Variants in ARMH4 observed in about 807,000 individuals in gnomAD.
ARMH4 encodes the protein armadillo-like helical domain-containing protein 4.
In ARMH4, 49 loss-of-function variants were observed where a neutral mutation model predicts 61.9. The ratio of observed to expected loss-of-function variants is 0.79; its 90% CI spans 0.63 to 1.00. The LOEUF (loss-of-function observed/expected upper bound fraction) is 1.00. Among genes scored for constraint, ARMH4 ranks in the 50% least tolerant of loss-of-function variants. The pLI is 0.00. For synonymous variants in ARMH4, 368 were observed against 341.5 expected, an observed-to-expected ratio of 1.08 and a Z score of -0.85; for missense variants, 934 against 930.0, an observed-to-expected ratio of 1.00 and a Z score of -0.06.
intron 5 of ARMH4, among the ~76,000 whole-genome samples, chr14:58,087,195 T>C (rs560915479): frequency 9.9e-5 from 15 of 152,224 alleles, no homozygotes; most frequent in Non-Finnish European, 1.9e-4. Flanking sequence ...TCAATTCTTT[T>C]GAATTTCAAA....
chr14:58,042,398 C>T (rs1883756572), intron 5 of ARMH4, among the ~76,000 whole-genome samples: 1 of 152,184 alleles, frequency 6.6e-6, no homozygotes, highest in South Asian at 2.1e-4. Context: ...TCTTTAAAAC[C>T]AATGAGAACA....
chr14:58,042,906 A>G (rs1434952763), intron 5 of ARMH4, among the ~76,000 whole-genome samples: 1 of 152,190 alleles, frequency 6.6e-6, no homozygotes, highest in Admixed American at 6.5e-5. Flanking sequence ...AAGAACTTGA[A>G]TCTCTGAATA....
At chr14:58,071,281 C>G (rs764260034) in intron 5 of ARMH4, among the ~76,000 whole-genome samples, 13 of 151,902 alleles carry the variant, frequency 8.6e-5, no homozygotes, top group Admixed American at 1.3e-4. Context: ...CTTTTCAATA[C>G]ATACAATTTT....
chr14:58,057,715 G>T (rs1383412632), intron 5 of ARMH4, among the ~76,000 whole-genome samples: 1 of 152,156 alleles, frequency 6.6e-6, no homozygotes, highest in Non-Finnish European at 1.5e-5. Flanking sequence ...AAACTATTTA[G>T]CTGCTCAGGA....
chr14:58,083,715 T>C (rs1234270217), intron 5 of ARMH4, among the ~76,000 whole-genome samples: 1 of 152,146 alleles, frequency 6.6e-6, no homozygotes, highest in African/African-American at 2.4e-5. Flanking sequence ...AGATAACAAA[T>C]AGCAAAACAA....
chr14:58,104,225 T>C (rs1237935808), intron 4 of ARMH4, among the ~76,000 whole-genome samples: 1 of 152,142 alleles, frequency 6.6e-6, no homozygotes, highest in Non-Finnish European at 1.5e-5. Flanking sequence ...AGGAGTACTC[T>C]CTCTAGAAGC....
intron 5 of ARMH4, among the ~76,000 whole-genome samples, chr14:58,060,354 A>G (rs1245029470): frequency 6.6e-6 from 1 of 152,186 alleles, no homozygotes; most frequent in Non-Finnish European, 1.5e-5. Context: ...CCCTACACTA[A>G]TTTCCCTCTT....
At position 58,138,156 on chromosome 14, in the gene ARMH4, TGTG is replaced by T. The variant is rs781685192; in HGVS notation, c.1200_1202del (p.Thr401del). 4.3e-6 allele frequency: 7 copies of T among 1,614,020 alleles called. No homozygotes were observed. The highest frequency in any genetic ancestry group is 5.9e-6 in the Non-Finnish European group (7 of 1,180,032). ...AAACTTTCATGTCTTCCATCAGACT[TGTG>T]GGGGTAAAGGAACTTTGATCAGTGA... On this transcript the variant is annotated inframe_deletion, in exon 2 of 8. Transcript: ENST00000267485.
At chr14:58,095,502 A>G (rs1885718655) in intron 5 of ARMH4, among the ~76,000 whole-genome samples, 1 of 152,154 alleles carries the variant, frequency 6.6e-6, no homozygotes, top group Non-Finnish European at 1.5e-5. Flanking sequence ...TTTGTTTTAT[A>G]GTATTTTGAT....
chr14:58,150,265 T>C (rs763742229), intron 1 of ARMH4, among the ~76,000 whole-genome samples: 14 of 152,226 alleles, frequency 9.2e-5, no homozygotes, highest in Admixed American at 2.0e-4. Context: ...AAAAATAAGA[T>C]TGACCTCACA....
intron 5 of ARMH4, among the ~76,000 whole-genome samples, chr14:58,096,111 G>C (rs1163740256): frequency 6.6e-6 from 1 of 152,160 alleles, no homozygotes; most frequent in Non-Finnish European, 1.5e-5. Context: ...CCATGAATAA[G>C]AGAGAGTGAG....
At chr14:58,010,899 T>C (rs1307578296) in intron 6 of ARMH4, among the ~76,000 whole-genome samples, 1 of 152,040 alleles carries the variant, frequency 6.6e-6, no homozygotes, top group African/African-American at 2.4e-5. Flanking sequence ...CAATGATATA[T>C]GAATTCCTAG....
chr14:58,092,274 TATC>T (rs1477940874), intron 5 of ARMH4, among the ~76,000 whole-genome samples: 1 of 152,248 alleles, frequency 6.6e-6, no homozygotes, highest in East Asian at 1.9e-4. Context: ...ATTAAAGTGT[TATC>T]ATATTAAATA....
intron 5 of ARMH4, among the ~76,000 whole-genome samples, chr14:58,048,934 T>A (rs1190017650): frequency 6.6e-6 from 1 of 151,970 alleles, no homozygotes; most frequent in Non-Finnish European, 1.5e-5. Context: ...GAAACAAATT[T>A]AAGAAAAATG....
intron 4 of ARMH4, among the ~76,000 whole-genome samples, chr14:58,097,577 T>G (rs1385016766): frequency 6.6e-6 from 1 of 152,170 alleles, no homozygotes; most frequent in Admixed American, 6.5e-5. Flanking sequence ...TCTAAAGGAA[T>G]TGGGAAGTGG....
At chr14:58,077,079 C>T (rs1039658587) in intron 5 of ARMH4, among the ~76,000 whole-genome samples, 1 of 152,102 alleles carries the variant, frequency 6.6e-6, no homozygotes. Context: ...CAGTCATAAG[C>T]CCAATGAGGG....
intron 4 of ARMH4, chr14:58,116,138 C>T (rs926882017): frequency 1.3e-5 from 2 of 152,620 alleles, no homozygotes; most frequent in Non-Finnish European, 2.9e-5. Context: ...TGCCTCATCG[C>T]CATGACTTTT....
In ARMH4 at chr14:58,133,259, G is replaced by C; in HGVS notation, c.1452C>G (p.Thr484=). The change falls in exon 3 of 8, where the codon ACC becomes ACG. Residue 484 remains threonine, a synonymous_variant. Transcript: ENST00000267485. ...LSMVTQEQVA[T]LELIRDSGKT... ...TGCCACTGTCTCTGATAAGCTCGAGGGTAGCAACCTGCTCTTGTGTCACCA... is the reference window on the plus strand; with the variant it reads ...TGCCACTGTCTCTGATAAGCTCGAGCGTAGCAACCTGCTCTTGTGTCACCA... 1 of 1,614,072 alleles carries C rather than the reference G, an allele frequency of 6.2e-7. No individual in the cohort carries two copies. The highest frequency in any genetic ancestry group is 8.5e-7 in the Non-Finnish European group (1 of 1,180,036).
chr14:58,005,797 A>G (rs1040688474), intron 6 of ARMH4, among the ~76,000 whole-genome samples: 5 of 152,254 alleles, frequency 3.3e-5, no homozygotes, highest in South Asian at 2.1e-4. Context: ...ATGTTGGAGC[A>G]AAGGCAGAAA....
Sources: allele counts gnomAD v4.1 joint callset (sites outside exome capture counted in the v4.1 genomes callset), GRCh38; gene constraint gnomAD v4.1.1; transcripts MANE v1.5; gene names NCBI Gene and HGNC (gene_info 2026-07-23, HGNC 2026-07-21).